PACSIN1: variants seen among roughly 807,000 people sequenced by gnomAD.
PACSIN1 encodes the protein protein kinase C and casein kinase substrate in neurons 1, also known as protein kinase C and casein kinase substrate in neurons protein 1.
Under a neutral mutation model 59.5 loss-of-function variants are expected in PACSIN1, and 15 were observed. That is an observed-to-expected ratio of 0.25 (90% CI 0.17 to 0.39). The LOEUF (loss-of-function observed/expected upper bound fraction) is 0.39. Among genes scored for constraint, PACSIN1 ranks in the 10% least tolerant of loss-of-function variants. The probability of loss-of-function intolerance (pLI) is 1.00; values close to 1 mark genes in which losing one functional copy is unlikely to be tolerated. For synonymous variants in PACSIN1, 210 were observed against 220.6 expected, an observed-to-expected ratio of 0.95 and a Z score of 0.42; for missense variants, 420 against 580.2, an observed-to-expected ratio of 0.72 and a Z score of 2.84.
At chr6:34,526,455 C>A in intron 2 of PACSIN1, 87 bp downstream of exon 2, 1 of 1,102,530 alleles carries the variant, frequency 9.1e-7, no homozygotes. Context: ...CCCATGACCT[C>A]AGGCCCCACT....
intron 1 of PACSIN1, among the ~76,000 whole-genome samples, chr6:34,478,455 C>T (rs1473315317): frequency 6.7e-6 from 1 of 149,078 alleles, no homozygotes; most frequent in Non-Finnish European, 1.5e-5. Flanking sequence ...TCACTTCAAC[C>T]TCCGACTCCT....
chr6:34,508,100 T>TGTTTGTTTGTTTGTTTG (rs145011394), intron 1 of PACSIN1, among the ~76,000 whole-genome samples: 2 of 138,086 alleles, frequency 1.4e-5, no homozygotes, highest in African/African-American at 5.3e-5. Context: ...GGTAGTTCTT[T>TGTTTGTTTGTTTGTTTG]TTTTGTTTGT....
intron 1 of PACSIN1, among the ~76,000 whole-genome samples, chr6:34,479,620 A>T (rs1766687505): frequency 1.3e-5 from 2 of 151,080 alleles, no homozygotes; most frequent in African/African-American, 4.9e-5. Flanking sequence ...ATTTATTTTT[A>T]TTTTATTTTA....
In PACSIN1 at chr6:34,516,807, C is replaced by A. The variant is rs1052318306; in HGVS notation, c.-63-9436C>A. ...TTCATTGCACACAACGTGCCCACAG[C>A]CCAGGGCACCTGCCTGGAAGCCGGA... On this transcript the variant is annotated intron_variant, in intron 1 of 9. Coordinates refer to ENST00000244458, the MANE Select transcript of PACSIN1 (RefSeq NM_020804.5). The surrounding 1 kb of genome is among the most constrained non-coding windows in gnomAD (Gnocchi z 5.4). Among the ~76,000 whole-genome samples the A allele has an allele frequency of 3.9e-5, 6 of 152,208 alleles. No individual in the cohort carries two copies. The highest frequency in any genetic ancestry group is 1.4e-4 in the African/African-American group (6 of 41,462).
chr6:34,530,565 T>G lies in PACSIN1; in HGVS notation c.1015T>G (p.Ser339Ala). 6.3e-7 allele frequency: 1 copy of G among 1,591,698 alleles called. No homozygotes were observed. Among genetic ancestry groups the G allele is most frequent in the Non-Finnish European group, 8.6e-7 (1 of 1,168,902 alleles). ...TNATGAVESTSQAGDRGSVSS... is the reference protein window; with the variant it reads ...TNATGAVESTAQAGDRGSVSS... ...TGCCACTGGGGCGGTAGAGTCCACA[T>G]CCCAGGCTGGGGACCGCGGCAGGTG... Residue 339 changes from serine to alanine, a missense_variant, in exon 8 of 10, where the codon TCC becomes GCC. Physicochemically the swap from Ser to Ala is moderately conservative, Grantham distance 99 (BLOSUM62 1). Coordinates refer to ENST00000244458, the MANE Select transcript of PACSIN1 (RefSeq NM_020804.5). This position sits in a 1 kb window ranked among gnomAD's most constrained non-coding sequence, Gnocchi z 4.4.
intron 1 of PACSIN1, among the ~76,000 whole-genome samples, chr6:34,500,425 A>G (rs1211712947): frequency 6.6e-6 from 1 of 152,234 alleles, no homozygotes; most frequent in Admixed American, 6.5e-5. Context: ...AATAAGCAGC[A>G]ATATTTTGAA....
At chr6:34,479,538 C>T (rs962457867) in intron 1 of PACSIN1, among the ~76,000 whole-genome samples, 4 of 151,836 alleles carry the variant, frequency 2.6e-5, no homozygotes, top group African/African-American at 9.7e-5. Context: ...TGGGCTCAAG[C>T]AATCCTCCCA....
rs554687909 is a variant in PACSIN1 at position 34,474,813 on chromosome 6, C to G, written c.-64+8543C>G. ...CAGAAAAAAAAAAAAAAAAAAAAAG[C>G]CCTATAATTGCCTGCAAGACCCCAT... On this transcript the variant is annotated intron_variant, in intron 1 of 9. Coordinates refer to ENST00000244458, the MANE Select transcript of PACSIN1 (RefSeq NM_020804.5). Among the ~76,000 whole-genome samples the G allele has an allele frequency of 4.8e-3, 540 of 113,680 alleles. 5 individuals are homozygous for G. Among genetic ancestry groups the G allele is most frequent in the Middle Eastern group, 0.029 (7 of 240 alleles). 74.6% of individuals were successfully genotyped at this position (113,680 alleles called of 152,430 possible).
intron 1 of PACSIN1, among the ~76,000 whole-genome samples, chr6:34,500,860 T>C (rs780989557): frequency 6.6e-6 from 1 of 152,256 alleles, no homozygotes; most frequent in Non-Finnish European, 1.5e-5. Flanking sequence ...CAGCACTTGC[T>C]GTTTCAACGT....
In PACSIN1 at chr6:34,525,702, G is replaced by T. The variant is rs1459589052; in HGVS notation, c.-63-541G>T. On this transcript the variant is annotated intron_variant, in intron 1 of 9. Coordinates refer to ENST00000244458, the MANE Select transcript of PACSIN1 (RefSeq NM_020804.5). The surrounding 1 kb of genome is among the most constrained non-coding windows in gnomAD (Gnocchi z 4.9). ...CCACCTCGGCCCTGGGGCAGCGCAC[G>T]GCCTAGATTGGATAACCCTGATGCC... is the stretch of plus-strand genomic sequence containing the variant. Among the ~76,000 whole-genome samples the T allele has an allele frequency of 6.6e-6, 1 of 152,130 alleles. No individual in the cohort carries two copies. The highest frequency in any genetic ancestry group is 2.1e-4 in the South Asian group (1 of 4,832).
intron 1 of PACSIN1, among the ~76,000 whole-genome samples, chr6:34,493,208 A>G (rs1342363723): frequency 6.6e-6 from 1 of 152,236 alleles, no homozygotes; most frequent in African/African-American, 2.4e-5. Context: ...AATTGTCAGC[A>G]GTGAATATCC....
chr6:34,527,650 G>T, intron 3 of PACSIN1, 162 bp downstream of exon 3: 1 of 449,806 alleles, frequency 2.2e-6, no homozygotes, highest in South Asian at 7.0e-5. Flanking sequence ...AGGCCTACCT[G>T]TTCATCTCTA....
At chr6:34,468,304 A>T (rs1766526079) in intron 1 of PACSIN1, among the ~76,000 whole-genome samples, 1 of 152,342 alleles carries the variant, frequency 6.6e-6, no homozygotes, top group Middle Eastern at 3.4e-3. Context: ...GGAGGGGCCT[A>T]AAGAGAACTG....
rs573539032 is a variant in PACSIN1, at chr6:34,488,983, C to G, written c.-64+22713C>G. 1.3e-5 allele frequency among the ~76,000 whole-genome samples: 2 copies of G among 152,174 alleles called. No individual in the cohort carries two copies. The highest frequency in any genetic ancestry group is 2.1e-4 in the South Asian group (1 of 4,828). Reference sequence around the variant, plus strand: ...ATCACTTGAGCCCAGAAGTTCGAGACCAGCCTGGGCAACATGGTGAAACCC... The same window carrying G: ...ATCACTTGAGCCCAGAAGTTCGAGAGCAGCCTGGGCAACATGGTGAAACCC... On this transcript the variant is annotated intron_variant, in intron 1 of 9. Coordinates refer to ENST00000244458, the MANE Select transcript of PACSIN1 (RefSeq NM_020804.5). This position sits in a 1 kb window ranked among gnomAD's most constrained non-coding sequence, Gnocchi z 4.7.
At chr6:34,513,777 C>T (rs543751718) in intron 1 of PACSIN1, among the ~76,000 whole-genome samples, 1 of 152,244 alleles carries the variant, frequency 6.6e-6, no homozygotes, top group South Asian at 2.1e-4. Flanking sequence ...CCCCCTTCAG[C>T]AGCAGAGCTG....
chr6:34,506,212 A>G (rs1171602100), intron 1 of PACSIN1, among the ~76,000 whole-genome samples: 1 of 151,544 alleles, frequency 6.6e-6, no homozygotes, highest in East Asian at 1.9e-4. Flanking sequence ...TGGTGTGACA[A>G]AATTTTTCCT....
chr6:34,530,618 CA>C lies in PACSIN1; in HGVS notation c.1037+33del. On this transcript the variant is annotated intron_variant, in intron 8 of 9. Transcript: ENST00000244458. This position sits in a 1 kb window ranked among gnomAD's most constrained non-coding sequence, Gnocchi z 4.4. Reference sequence around the variant, plus strand: ...TGCCTCCTGTGGAGCTTCCTGGGGCCAAGAGGGACCCACACTCTGGGGCAGC... The same window carrying C: ...TGCCTCCTGTGGAGCTTCCTGGGGCCAGAGGGACCCACACTCTGGGGCAGC... 6.6e-7 allele frequency: 1 copy of C among 1,519,176 alleles called. No individual in the cohort carries two copies. Among genetic ancestry groups the C allele is most frequent in the Non-Finnish European group, 8.8e-7 (1 of 1,134,146 alleles). The allele number at this position is 1,519,176 out of a possible 1,614,324, so 94.1% of individuals were successfully genotyped here. A position where few individuals can be genotyped will look rare whatever the true frequency, so the allele number is the denominator to read the frequency against.
At chr6:34,511,443 C>T (rs946161920) in intron 1 of PACSIN1, among the ~76,000 whole-genome samples, 20 of 152,280 alleles carry the variant, frequency 1.3e-4, no homozygotes, top group Middle Eastern at 3.4e-3. Context: ...CCTCAGTTTC[C>T]ACACCTGTAT....
rs1767654115 is a variant in PACSIN1 at position 34,534,262 on chromosome 6, TGGCAGGGCCTGAGCTGG to T, written c.*1739_*1755del. On this transcript the variant is annotated 3_prime_UTR_variant, in exon 10 of 10. Transcript: ENST00000244458. The stretch of plus-strand genomic sequence containing the variant: ...GTGGGCACAGAGGGTCCTGACACTC[TGGCAGGGCCTGAGCTGG>T]GGCAGGCCTCCCTCAGGGCCAGGGG... 1 of 152,306 alleles carries T rather than the reference TGGCAGGGCCTGAGCTGG, an allele frequency of 6.6e-6. No individual in the cohort carries two copies. Among genetic ancestry groups the T allele is most frequent in the African/African-American group, 2.4e-5 (1 of 41,448 alleles). The allele number at this position is 152,306 out of a possible 1,614,324, so 9.4% of individuals were successfully genotyped here. A position where few individuals can be genotyped will look rare whatever the true frequency, so the allele number is the denominator to read the frequency against.
Sources: allele counts gnomAD v4.1 joint callset (sites outside exome capture counted in the v4.1 genomes callset), GRCh38; gene constraint gnomAD v4.1.1; non-coding constraint Gnocchi (gnomAD v3.1); transcripts MANE v1.5; gene names NCBI Gene and HGNC (gene_info 2026-07-23, HGNC 2026-07-21).